The following CRISP2 variants were observed in gnomAD, a reference collection of about 807,000 sequenced individuals.
CRISP2 encodes cysteine rich secretory protein 2.
Under a neutral mutation model 31.7 loss-of-function variants are expected in CRISP2, and 29 were observed. The ratio of observed to expected loss-of-function variants is 0.92; its 90% CI spans 0.68 to 1.25. The LOEUF is 1.25. CRISP2 is among the 50% of genes most tolerant of loss of function. The pLI is 0.00. For missense variants in CRISP2, 318 were observed against 286.5 expected (o/e 1.11, Z -0.79); for synonymous variants, 111 against 101.4 (o/e 1.09, Z -0.57).
At chr6:49,682,789 C>T in the CRISP2 span, among the ~76,000 whole-genome samples, 1 of 147,186 alleles carries the variant, frequency 6.8e-6, no homozygotes, top group African/African-American at 2.5e-5. Flanking sequence ...CTCATTCCTG[C>T]CCTCTCTCCT....
In CRISP2 at chr6:49,711,314, T is replaced by C. The variant is rs1767969643; in HGVS notation, c.-39A>G. On this transcript the variant is annotated 5_prime_UTR_variant, in exon 3 of 10. Transcript: ENST00000339139. ...GGTTTTCTGAGCAGGATGAAATATCTACTTTATCTTTAGAAAGAAAGAAGG... is the reference window on the plus strand; with the variant it reads ...GGTTTTCTGAGCAGGATGAAATATCCACTTTATCTTTAGAAAGAAAGAAGG... 1 of 152,238 alleles carries C rather than the reference T, an allele frequency of 6.6e-6. No individual in the cohort carries two copies. The allele number at this position is 152,238 out of a possible 1,614,324, so 9.4% of individuals were successfully genotyped here.
chr6:49,705,456 A>G (rs1766859082), intron 4 of CRISP2, among the ~76,000 whole-genome samples: 1 of 152,166 alleles, frequency 6.6e-6, no homozygotes, highest in Non-Finnish European at 1.5e-5. Context: ...AGGAGAGACT[A>G]AGGAGGGCTT....
intron 4 of CRISP2, 37 bp downstream of exon 4, chr6:49,709,094 T>C: frequency 6.3e-7 from 1 of 1,584,372 alleles, no homozygotes; most frequent in Non-Finnish European, 8.7e-7. Flanking sequence ...ACAAAGTTGC[T>C]GGATAGCTCT....
the CRISP2 span, among the ~76,000 whole-genome samples, chr6:49,683,734 G>T: frequency 1.1e-5 from 1 of 87,918 alleles, no homozygotes; most frequent in East Asian, 3.9e-4. Flanking sequence ...GAAGTTGATA[G>T]GACTAAGTCA....
intron 4 of CRISP2, among the ~76,000 whole-genome samples, chr6:49,704,840 A>C (rs1766735672): frequency 6.6e-6 from 1 of 152,124 alleles, no homozygotes; most frequent in Non-Finnish European, 1.5e-5. Flanking sequence ...CTAATAGTGA[A>C]GTTGTCATGT....
intron 4 of CRISP2, 42 bp from the exon 5 acceptor site, chr6:49,700,826 T>A (rs1765540322): frequency 4.9e-6 from 6 of 1,235,718 alleles, no homozygotes; most frequent in African/African-American, 4.5e-5. Context: ...AACAATATTG[T>A]AAATTTCATA....
the CRISP2 span, among the ~76,000 whole-genome samples, chr6:49,683,694 A>AATAT: frequency 0.019 from 120 of 6,174 alleles, 5 homozygotes; most frequent in East Asian, 0.029. Context: ...AAAAAAAAAA[A>AATAT]ATATATATAT....
At chr6:49,702,039 T>C (rs1561878281) in intron 4 of CRISP2, among the ~76,000 whole-genome samples, 1 of 112,272 alleles carries the variant, frequency 8.9e-6, no homozygotes, top group African/African-American at 3.4e-5. Context: ...TGTATACATA[T>C]ATAAGTTTAT....
At chr6:49,703,583 G>A (rs1450278787) in intron 4 of CRISP2, among the ~76,000 whole-genome samples, 1 of 152,072 alleles carries the variant, frequency 6.6e-6, no homozygotes, top group African/African-American at 2.4e-5. Context: ...TTCAGCTGTT[G>A]TAAAAGGTAC....
chr6:49,709,460 G>T (rs1767630614), intron 3 of CRISP2, among the ~76,000 whole-genome samples: 1 of 152,154 alleles, frequency 6.6e-6, no homozygotes, highest in African/African-American at 2.4e-5. Flanking sequence ...ATAAAAGAGA[G>T]AGACCTACTC....
upstream of CRISP2, chr6:49,713,653 C>G (rs1310066322): frequency 6.6e-6 from 1 of 152,120 alleles, no homozygotes; most frequent in Non-Finnish European, 1.5e-5. Flanking sequence ...CTGCTCTCCT[C>G]CCATCGCCCC....
chr6:49,697,013 G>A (rs967165827), intron 8 of CRISP2, among the ~76,000 whole-genome samples: 6 of 152,014 alleles, frequency 3.9e-5, no homozygotes, highest in Non-Finnish European at 5.9e-5. Context: ...ATCCTAATAG[G>A]TACTTTAAAG....
the CRISP2 span, among the ~76,000 whole-genome samples, chr6:49,687,346 G>A: frequency 2.0e-5 from 3 of 152,170 alleles, no homozygotes; most frequent in African/African-American, 7.2e-5. Context: ...ACTAGCATAT[G>A]TAGTATAAAC....
chr6:49,683,644 GC>G, the CRISP2 span, among the ~76,000 whole-genome samples: 1 of 113,886 alleles, frequency 8.8e-6, no homozygotes, highest in Non-Finnish European at 1.7e-5. Flanking sequence ...AGCCTGGGCA[GC>G]AGAGTGAGAC....
chr6:49,697,305 AG>A, intron 8 of CRISP2, among the ~76,000 whole-genome samples: 1 of 152,278 alleles, frequency 6.6e-6, no homozygotes, highest in Admixed American at 6.5e-5. Flanking sequence ...TGAGAATCAG[AG>A]ACTTAAGATG....
intron 4 of CRISP2, among the ~76,000 whole-genome samples, chr6:49,703,824 A>G (rs1333774558): frequency 1.3e-5 from 2 of 152,164 alleles, no homozygotes; most frequent in Non-Finnish European, 2.9e-5. Context: ...CCTGATGACT[A>G]TGTACCCAGG....
At chr6:49,703,555 A>G (rs1464209782) in intron 4 of CRISP2, among the ~76,000 whole-genome samples, 1 of 152,050 alleles carries the variant, frequency 6.6e-6, no homozygotes. Flanking sequence ...GGTATACTCC[A>G]AAGTATTTTA....
chr6:49,691,599 A>AT (rs1248847890), downstream of CRISP2, among the ~76,000 whole-genome samples: 9 of 151,886 alleles, frequency 5.9e-5, no homozygotes, highest in South Asian at 2.1e-4. Flanking sequence ...CTCTCTATAT[A>AT]TTTTTTCCGT....
intron 8 of CRISP2, among the ~76,000 whole-genome samples, chr6:49,696,915 T>C (rs1399110708): frequency 6.6e-6 from 1 of 152,178 alleles, no homozygotes; most frequent in African/African-American, 2.4e-5. Flanking sequence ...CTGTCACTTC[T>C]GACACCTGGC....
Sources: gnomAD v4.1 joint callset for allele counts (sites outside exome capture counted in the v4.1 genomes callset) on GRCh38, gnomAD v4.1.1 for gene constraint, MANE v1.5 for transcripts, NCBI Gene and HGNC (gene_info 2026-07-23, HGNC 2026-07-21) for gene names.